FAM171A1: variants seen among roughly 807,000 people sequenced by gnomAD.
The protein encoded by FAM171A1 is family with sequence similarity 171 member A1.
FAM171A1 carries 23 observed loss-of-function variants against 74.9 expected under a neutral mutation model. The observed-to-expected ratio is 0.31, with a 90% CI of 0.22 to 0.44. FAM171A1 has a LOEUF of 0.44. Ranked by LOEUF, FAM171A1 falls within the 20% of genes least tolerant of loss-of-function variation. The pLI, the probability that FAM171A1 is intolerant of heterozygous loss-of-function variation, is 1.00. For synonymous variants in FAM171A1, 527 were observed against 505.7 expected (o/e 1.04, Z -0.57); for missense variants, 1,162 against 1,159.2 (o/e 1.00, Z -0.03).
At chr10:15,225,257 G>A (rs553294385) in intron 5 of FAM171A1, among the ~76,000 whole-genome samples, 1 of 152,174 alleles carries the variant, frequency 6.6e-6, no homozygotes, top group Non-Finnish European at 1.5e-5. Flanking sequence ...GGAAGCTACA[G>A]GTGCAATCAA....
rs3033606 is a variant in FAM171A1 at position 15,365,767 on chromosome 10, T to TAAA, written c.97+5186_97+5188dup. ...CCTGGGGGACACAGTGAGACTCTGT[T>TAAA]AAAAAAAAAAAAAGAGAGAGAAATG... On this transcript the variant is annotated intron_variant, in intron 1 of 7. Transcript: ENST00000378116. 7.8e-3 allele frequency among the ~76,000 whole-genome samples: 1,125 copies of TAAA among 144,786 alleles called. 17 individuals are homozygous for TAAA. The highest frequency in any genetic ancestry group is 0.024 in the African/African-American group (944 of 38,790). The allele number at this position is 144,786 out of a possible 152,430, so 95.0% of individuals were successfully genotyped here.
chr10:15,302,321 T>C (rs1403656907), intron 1 of FAM171A1, among the ~76,000 whole-genome samples: 1 of 151,734 alleles, frequency 6.6e-6, no homozygotes, highest in Non-Finnish European at 1.5e-5. Flanking sequence ...AACAATTAGC[T>C]GGGTGTGGTG....
intron 1 of FAM171A1, among the ~76,000 whole-genome samples, chr10:15,301,876 T>C (rs1329722780): frequency 1.3e-5 from 2 of 152,168 alleles, no homozygotes; most frequent in Non-Finnish European, 2.9e-5. Context: ...TCATAGTTCT[T>C]AGGTCACTAA....
intron 3 of FAM171A1, among the ~76,000 whole-genome samples, chr10:15,260,623 C>A (rs961362574): frequency 6.6e-6 from 1 of 152,186 alleles, no homozygotes; most frequent in African/African-American, 2.4e-5. Flanking sequence ...GTTCTGTATA[C>A]AGTTGGTGCT....
chr10:15,355,309 A>AG (rs1364318639), intron 1 of FAM171A1, among the ~76,000 whole-genome samples: 6 of 152,192 alleles, frequency 3.9e-5, no homozygotes, highest in African/African-American at 1.4e-4. Flanking sequence ...TCCTGGGCTC[A>AG]AGTGATTCGC....
intron 3 of FAM171A1, among the ~76,000 whole-genome samples, chr10:15,256,783 GCT>G (rs1332624500): frequency 9.9e-5 from 15 of 152,022 alleles, no homozygotes; most frequent in African/African-American, 1.5e-4. Context: ...TCCCACAAAC[GCT>G]CTGTGTCCTG....
intron 1 of FAM171A1, among the ~76,000 whole-genome samples, chr10:15,329,326 C>T (rs1289802859): frequency 2.0e-5 from 3 of 152,200 alleles, no homozygotes; most frequent in African/African-American, 4.8e-5. Flanking sequence ...GTGGTTCTAT[C>T]GGCTCCAGAG....
chr10:15,251,998 A>G (rs1834515012), intron 4 of FAM171A1, among the ~76,000 whole-genome samples: 1 of 152,214 alleles, frequency 6.6e-6, no homozygotes, highest in Non-Finnish European at 1.5e-5. Context: ...GGTTCTGCTC[A>G]GCTGACATCT....
chr10:15,373,726 A>T (rs562484246), upstream of FAM171A1, among the ~76,000 whole-genome samples: 33 of 152,270 alleles, frequency 2.2e-4, no homozygotes, highest in East Asian at 7.7e-4. Context: ...TTTCAGATGG[A>T]AATATTTAAA....
chr10:15,324,095 A>C lies in FAM171A1; in HGVS notation c.98-39990T>G, dbSNP rs550114942. 6.4e-4 allele frequency among the ~76,000 whole-genome samples: 98 copies of C among 152,342 alleles called. 1 individual carries two copies. Among genetic ancestry groups the C allele is most frequent in the African/African-American group, 2.3e-3 (95 of 41,578 alleles). On this transcript the variant is annotated intron_variant, in intron 1 of 7. Coordinates refer to ENST00000378116, the MANE Select transcript of FAM171A1 (RefSeq NM_001010924.2). The stretch of plus-strand genomic sequence containing the variant: ...ATAGTTGGCAAGCAAAGTGGCTCTT[A>C]GCAAGATAAATCTGAGCCTTAACCT...
At chr10:15,215,867 T>C in intron 7 of FAM171A1, 129 bp downstream of exon 7, 1 of 594,734 alleles carries the variant, frequency 1.7e-6, no homozygotes, top group South Asian at 2.3e-5. Context: ...TACTTTTTCA[T>C]GGGAAGAAAA....
At chr10:15,345,676 T>C (rs1835810195) in intron 1 of FAM171A1, among the ~76,000 whole-genome samples, 1 of 152,072 alleles carries the variant, frequency 6.6e-6, no homozygotes, top group Non-Finnish European at 1.5e-5. Flanking sequence ...GCAAAGGAGA[T>C]GCTCTAGAGA....
chr10:15,356,219 C>CATAT (rs923046484), intron 1 of FAM171A1, among the ~76,000 whole-genome samples: 1 of 149,078 alleles, frequency 6.7e-6, no homozygotes, highest in African/African-American at 2.5e-5. Flanking sequence ...TACATACATA[C>CATAT]ATATATATAT....
chr10:15,317,286 G>A (rs1367030049), intron 1 of FAM171A1, among the ~76,000 whole-genome samples: 1 of 152,152 alleles, frequency 6.6e-6, no homozygotes, highest in Non-Finnish European at 1.5e-5. Context: ...ACAGATAAGG[G>A]CTGGGTTTAT....
chr10:15,254,645 C>CCAAT, intron 4 of FAM171A1, 76 bp downstream of exon 4: 1 of 1,514,570 alleles, frequency 6.6e-7, no homozygotes, highest in Non-Finnish European at 9.0e-7. Flanking sequence ...GCTAAAACTC[C>CCAAT]CAATCATACC....
intron 1 of FAM171A1, among the ~76,000 whole-genome samples, chr10:15,342,693 C>T (rs778135187): frequency 4.6e-5 from 7 of 152,296 alleles, no homozygotes; most frequent in South Asian, 4.1e-4. Context: ...AGGTCACCAC[C>T]ACCAAAGTTA....
chr10:15,254,710 A>G lies in FAM171A1; in HGVS notation c.577+11T>C, dbSNP rs778987038. ...GTAACTCCCACTGAAAAGAGAAAAG[A>G]CTCCAATTACCTGTTCCATTTCCGT... On this transcript the variant is annotated intron_variant, in intron 4 of 7. Transcript: ENST00000378116. 2 of 1,610,534 alleles carry G rather than the reference A, an allele frequency of 1.2e-6. No homozygotes were observed. The highest frequency in any genetic ancestry group is 1.7e-6 in the Non-Finnish European group (2 of 1,177,552).
At chr10:15,242,759 C>A (rs1196994228) in intron 5 of FAM171A1, among the ~76,000 whole-genome samples, 1 of 152,102 alleles carries the variant, frequency 6.6e-6, no homozygotes, top group Non-Finnish European at 1.5e-5. Flanking sequence ...CCACTGCATG[C>A]CAGTCTGGCT....
chr10:15,307,917 C>T (rs1835316439), intron 1 of FAM171A1, among the ~76,000 whole-genome samples: 1 of 151,842 alleles, frequency 6.6e-6, no homozygotes, highest in Non-Finnish European at 1.5e-5. Context: ...GATCCTCCTA[C>T]CTCAGCCTCC....
Sources: allele counts gnomAD v4.1 joint callset (sites outside exome capture counted in the v4.1 genomes callset), GRCh38; gene constraint gnomAD v4.1.1; transcripts MANE v1.5; gene names NCBI Gene and HGNC (gene_info 2026-07-23, HGNC 2026-07-21).